PIF1: variants seen among roughly 807,000 people sequenced by gnomAD.
PIF1 encodes ATP-dependent DNA helicase PIF1.
PIF1 carries 67 observed loss-of-function variants against 62.3 expected under a neutral mutation model. The observed-to-expected ratio is 1.08, with a 90% CI of 0.88 to 1.32. PIF1 has a LOEUF of 1.32. Ranked by LOEUF, PIF1 falls within the 40% of genes most tolerant of loss-of-function variation. The pLI is 0.00. For synonymous variants in PIF1, 364 were observed against 379.5 expected (o/e 0.96, Z 0.47); for missense variants, 886 against 866.1 (o/e 1.02, Z -0.29).
chr15:64,825,674 A>G (rs1036102879), upstream of PIF1: 4 of 152,214 alleles, frequency 2.6e-5, no homozygotes, highest in African/African-American at 9.6e-5. Context: ...CAAATGCTAG[A>G]GGCAGAAAAT....
chr15:64,817,768 A>G (rs935401581), intron 11 of PIF1, among the ~76,000 whole-genome samples, 178 bp downstream of exon 11: 1 of 152,090 alleles, frequency 6.6e-6, no homozygotes, highest in Non-Finnish European at 1.5e-5. Flanking sequence ...AGGCTGAGGC[A>G]GGAGAATCTC....
In PIF1 at chr15:64,815,795, T is replaced by G. The variant is rs1262036346; in HGVS notation, c.*503A>C. 6.4e-7 allele frequency: 1 copy of G among 1,550,572 alleles called. No individual in the cohort carries two copies. The highest frequency in any genetic ancestry group is 1.4e-5 in the African/African-American group (1 of 73,070). On this transcript the variant is annotated 3_prime_UTR_variant, in exon 13 of 13. Transcript: ENST00000559239. ...GTTAGGCTCTGAAGGGTGTTTGTTC[T>G]GGGCTGGGCTAGGCTGGGCCTAGCT...
At chr15:64,820,947 A>G (rs1395780396) in intron 7 of PIF1, 35 bp downstream of exon 7, 6 of 1,582,566 alleles carry the variant, frequency 3.8e-6, no homozygotes, top group African/African-American at 1.3e-5. Context: ...CTGGATCCTC[A>G]TCCCATAGCC....
In PIF1 at chr15:64,819,866, C is replaced by A. The variant is rs149009592; in HGVS notation, c.1314G>T (p.Arg438Ser). Reference protein sequence around the residue: ...HQDDVALTNERRLQELPGKVH... With the variant: ...HQDDVALTNESRLQELPGKVH... ...GCTCACCTGGCAGCTCCTGAAGCCG[C>A]CTCTCGTTGGTGAGGGCCACATCAT... Residue 438 changes from arginine (R) to serine (S), a missense_variant, in exon 8 of 13, where the codon AGG becomes AGT. By Grantham distance (110) the Arg-to-Ser change is moderately radical. Transcript: ENST00000559239. The A allele has an allele frequency of 6.2e-6, 10 of 1,613,772 alleles. No homozygotes were observed. The highest frequency in any genetic ancestry group is 3.3e-4 in the Middle Eastern group (2 of 6,058).
chr15:64,822,172 G>GC, intron 4 of PIF1, 94 bp downstream of exon 4: 1 of 1,506,872 alleles, frequency 6.6e-7, no homozygotes, highest in Non-Finnish European at 8.9e-7. Flanking sequence ...ACGGCGCCCA[G>GC]CCCCCAAAAC....
chr15:64,821,577 T>A, intron 4 of PIF1, 57 bp from the exon 5 acceptor site: 1 of 1,495,410 alleles, frequency 6.7e-7, no homozygotes, highest in Admixed American at 2.4e-5. Context: ...TTTTTTTTTT[T>A]TTTTTTTTTT....
Position 64,818,339 on chromosome 15 carries a change from C to T in PIF1, c.1446G>A (p.Met482Ile), listed in dbSNP as rs2084227694. ...GAGACACCGATAAGTTTTTCACCAG[C>T]ATCACCTGCAAGGGAGAGAGAGGAA... is the stretch of plus-strand genomic sequence containing the variant. ...LLQLKLGAQV[M>I]LVKNLSVSRG... Residue 482 changes from methionine (M) to isoleucine (I), a missense_variant, in exon 10 of 13, where the codon ATG (methionine) becomes ATA (isoleucine). By Grantham distance (10) the Met-to-Ile change is conservative (BLOSUM62 1). Transcript: ENST00000559239. 6.2e-7 allele frequency: 1 copy of T among 1,614,044 alleles called. No individual in the cohort carries two copies. The highest frequency in any genetic ancestry group is 8.5e-7 in the Non-Finnish European group (1 of 1,179,976).
Position 64,821,603 on chromosome 15 carries a change from T to C in PIF1, c.818-83A>G, listed in dbSNP as rs975293824. 6 of 1,452,432 alleles carry C rather than the reference T, an allele frequency of 4.1e-6. No individual in the cohort carries two copies. In the African/African-American group the frequency reaches 4.3e-5, roughly 10 times the overall value. 90.0% of individuals were successfully genotyped at this position (1,452,432 alleles called of 1,614,324 possible). ...TTTTTTTTTTTTGAGAGAAGGTCTC[T>C]TTCTGTCACCCAGGCTGAAGTGCAG... On this transcript the variant is annotated intron_variant, in intron 4 of 12. Coordinates refer to ENST00000559239, the MANE Select transcript of PIF1 (RefSeq NM_001286496.2).
chr15:64,818,866 G>A, intron 9 of PIF1: 1 of 414,230 alleles, frequency 2.4e-6, no homozygotes, highest in South Asian at 5.6e-5. Context: ...GGGATGAGGG[G>A]ACAGAGCTTC....
chr15:64,816,443 C>G lies in PIF1; in HGVS notation c.1867-86G>C. ...GGGGGCCAGCATCTCTTTCCTTTTG[C>G]CCTCACCCCTAAAGGAGCCAGCAGA... On this transcript the variant is annotated intron_variant, in intron 12 of 12. Transcript: ENST00000559239. 1.9e-6 allele frequency: 3 copies of G among 1,600,638 alleles called. No homozygotes were observed. The South Asian group carries it at 3.3e-5, about 18-fold the overall frequency.
Position 64,825,605 on chromosome 15 carries a change from T to C in PIF1, c.-56A>G, listed in dbSNP as rs1812234428. 1 of 152,014 alleles carries C rather than the reference T, an allele frequency of 6.6e-6. No individual in the cohort carries two copies. Among genetic ancestry groups the C allele is most frequent in the Non-Finnish European group, 1.5e-5 (1 of 67,996 alleles). 9.4% of individuals were successfully genotyped at this position (152,014 alleles called of 1,614,324 possible). A position where few individuals can be genotyped will look rare whatever the true frequency, so the allele number is the denominator to read the frequency against. ...GGCAGACACTCACTTGTGCCGACAC[T>C]CAGATGAACAAGCAGATCGTAGCCG... is the stretch of plus-strand genomic sequence containing the variant. On this transcript the variant is annotated 5_prime_UTR_variant, in exon 1 of 13. Coordinates refer to ENST00000559239, the MANE Select transcript of PIF1 (RefSeq NM_001286496.2).
Position 64,824,154 on chromosome 15 carries a change from C to A in PIF1, c.182G>T (p.Gly61Val). 7.7e-7 allele frequency: 1 copy of A among 1,306,088 alleles called. No homozygotes were observed. Among genetic ancestry groups the A allele is most frequent in the South Asian group, 2.2e-5 (1 of 44,940 alleles). The allele number at this position is 1,306,088 out of a possible 1,614,324, so 80.9% of individuals were successfully genotyped here. A position where few individuals can be genotyped will look rare whatever the true frequency, so the allele number is the denominator to read the frequency against. Residue 61 changes from glycine (G) to valine (V), a missense_variant, in exon 2 of 13, where the codon GGG (glycine) becomes GTG (valine). By Grantham distance (109) the Gly-to-Val change is moderately radical (BLOSUM62 -3). Transcript: ENST00000559239. ...RELMLRLQAP[G>V]PAGRPRCFPL... ...AAAGCAGCGCGGCCGCCCCGCGGGC[C>A]CTGGCGCTTGCAGCCGCAGCATCAA...
chr15:64,823,451 T>A, intron 2 of PIF1: 1 of 207,834 alleles, frequency 4.8e-6, no homozygotes. Flanking sequence ...TTTCACCATG[T>A]TGGCCAGGCT....
intron 4 of PIF1, 50 bp from the exon 5 acceptor site, chr15:64,821,570 T>C (rs1269491832): frequency 5.2e-5 from 22 of 422,548 alleles, no homozygotes; most frequent in Non-Finnish European, 6.5e-5. Flanking sequence ...CCTCTCTTTT[T>C]TTTTTTTTTT....
Position 64,815,923 on chromosome 15 carries a change from T to C in PIF1, c.*375A>G. Reference sequence around the variant, plus strand: ...CCTGATGCTGCTTCCGGAGCACCTGTCTTCATTGCCTCTCCCTTCTGCAGC... The same window carrying C: ...CCTGATGCTGCTTCCGGAGCACCTGCCTTCATTGCCTCTCCCTTCTGCAGC... On this transcript the variant is annotated 3_prime_UTR_variant, in exon 13 of 13. Transcript: ENST00000559239. The C allele has an allele frequency of 1.9e-6, 3 of 1,550,378 alleles. No individual in the cohort carries two copies. Among genetic ancestry groups the C allele is most frequent in the Non-Finnish European group, 2.6e-6 (3 of 1,146,914 alleles).
intron 11 of PIF1, among the ~76,000 whole-genome samples, chr15:64,817,302 C>T (rs780226363): frequency 2.0e-5 from 3 of 152,088 alleles, no homozygotes; most frequent in Admixed American, 1.3e-4. Flanking sequence ...CCTATAATCT[C>T]GGCACTTTGG....
At chr15:64,825,371 C>A (rs550772660) in intron 1 of PIF1, among the ~76,000 whole-genome samples, 198 bp downstream of exon 1, 1 of 152,300 alleles carries the variant, frequency 6.6e-6, no homozygotes, top group East Asian at 1.9e-4. Context: ...TAAGCCACAG[C>A]GGCTAGTAGT....
At chr15:64,816,842 C>T (rs1226679421) in intron 11 of PIF1, 77 bp from the exon 12 acceptor site, 1 of 1,326,264 alleles carries the variant, frequency 7.5e-7, no homozygotes, top group African/African-American at 1.5e-5. Context: ...CCTTTACCAG[C>T]CCTGCTACTG....
chr15:64,818,956 T>G (rs2084238200), intron 9 of PIF1, 161 bp downstream of exon 9: 2 of 496,698 alleles, frequency 4.0e-6, no homozygotes, highest in Non-Finnish European at 7.0e-6. Context: ...GTAGAAAGCT[T>G]AAGATGGGAA....
Sources: allele counts gnomAD v4.1 joint callset (sites outside exome capture counted in the v4.1 genomes callset), GRCh38; gene constraint gnomAD v4.1.1; transcripts MANE v1.5; gene names NCBI Gene and HGNC (gene_info 2026-07-23, HGNC 2026-07-21).